ZFPM2: variants seen among roughly 807,000 people sequenced by gnomAD.
ZFPM2 encodes zinc finger protein, FOG family member 2, also known as zinc finger protein ZFPM2.
Under a neutral mutation model 98.6 loss-of-function variants are expected in ZFPM2, and 20 were observed. The ratio of observed to expected loss-of-function variants is 0.20; its 90% CI spans 0.14 to 0.29. The LOEUF (loss-of-function observed/expected upper bound fraction) is 0.29, where lower values mean the gene tolerates loss of function less well. Among genes scored for constraint, ZFPM2 ranks in the 10% least tolerant of loss-of-function variants. The pLI is 1.00. For missense variants in ZFPM2, 1,310 were observed against 1,388.6 expected, an observed-to-expected ratio of 0.94 and a Z score of 0.90; for synonymous variants, 518 against 502.7, an observed-to-expected ratio of 1.03 and a Z score of -0.41.
At chr8:105,359,650 A>G (rs1260223297) in intron 1 of ZFPM2, among the ~76,000 whole-genome samples, 1 of 152,074 alleles carries the variant, frequency 6.6e-6, no homozygotes, top group Non-Finnish European at 1.5e-5. Flanking sequence ...CTGGGATTAC[A>G]GGCGTGAGCC....
At chr8:105,726,671 G>C (rs1003701211) in intron 5 of ZFPM2, among the ~76,000 whole-genome samples, 3 of 151,778 alleles carry the variant, frequency 2.0e-5, no homozygotes, top group African/African-American at 7.2e-5. Flanking sequence ...TCTCCATGGA[G>C]TGAAAGGATG....
chr8:105,464,502 A>AG (rs1440845972), intron 3 of ZFPM2, among the ~76,000 whole-genome samples: 1 of 151,948 alleles, frequency 6.6e-6, no homozygotes, highest in Non-Finnish European at 1.5e-5. Flanking sequence ...ATTTCATTAG[A>AG]GGGGAAAAAA....
At chr8:105,330,520 A>ATT (rs1812190567) in intron 1 of ZFPM2, among the ~76,000 whole-genome samples, 1 of 113,774 alleles carries the variant, frequency 8.8e-6, no homozygotes, top group African/African-American at 3.1e-5. Context: ...GAACAAAACA[A>ATT]TTTCTCTCTC....
chr8:105,542,811 T>G (rs1375955), intron 3 of ZFPM2, among the ~76,000 whole-genome samples: 105,745 of 152,120 alleles, frequency 0.7, 38,244 homozygotes, highest in African/African-American at 0.92. Context: ...TTACCAATTT[T>G]TAAAACTGTG....
At chr8:105,605,944 G>A (rs903038859) in intron 4 of ZFPM2, among the ~76,000 whole-genome samples, 13 of 152,046 alleles carry the variant, frequency 8.6e-5, no homozygotes, top group African/African-American at 2.9e-4. Context: ...TGAATCATGA[G>A]TGCTGAGGTC....
chr8:105,679,373 T>C (rs567783222), intron 5 of ZFPM2, among the ~76,000 whole-genome samples: 1 of 152,306 alleles, frequency 6.6e-6, no homozygotes, highest in African/African-American at 2.4e-5. Context: ...TTTGCACATG[T>C]ATGTTGACCA....
chr8:105,589,080 A>G (rs1815788541), intron 4 of ZFPM2, among the ~76,000 whole-genome samples: 2 of 152,348 alleles, frequency 1.3e-5, no homozygotes, highest in East Asian at 1.9e-4. Context: ...TGAAAGCTCA[A>G]TGAAGGGTGA....
At chr8:105,534,067 C>T (rs1385905227) in intron 3 of ZFPM2, among the ~76,000 whole-genome samples, 6 of 50,778 alleles carry the variant, frequency 1.2e-4, no homozygotes, top group Admixed American at 5.8e-4. Flanking sequence ...TCCCTCCCTT[C>T]CTTCCTCCCT....
chr8:105,539,095 C>T (rs1814522165), intron 3 of ZFPM2, among the ~76,000 whole-genome samples: 1 of 152,124 alleles, frequency 6.6e-6, no homozygotes, highest in Admixed American at 6.6e-5. Context: ...TTTCTTCTGC[C>T]TCTTGCCCCT....
intron 5 of ZFPM2, 120 bp from the exon 6 acceptor site, chr8:105,788,598 C>T (rs1813492424): frequency 3.1e-6 from 3 of 970,094 alleles, no homozygotes; most frequent in South Asian, 1.5e-5. Flanking sequence ...TGATCAAACA[C>T]TCCACTCCAG....
intron 4 of ZFPM2, among the ~76,000 whole-genome samples, chr8:105,561,825 A>C (rs910687232): frequency 2.6e-5 from 4 of 152,176 alleles, no homozygotes; most frequent in African/African-American, 9.7e-5. Flanking sequence ...CATCCATTAC[A>C]GGTTTTCATG....
intron 1 of ZFPM2, among the ~76,000 whole-genome samples, chr8:105,336,552 T>C (rs767380916): frequency 2.6e-5 from 4 of 151,782 alleles, no homozygotes; most frequent in Non-Finnish European, 5.9e-5. Flanking sequence ...TTGAATACTC[T>C]AATTGAATAA....
chr8:105,802,379 T>G lies in ZFPM2; in HGVS notation c.2297T>G (p.Leu766Arg), dbSNP rs774312417. 6.2e-7 allele frequency: 1 copy of G among 1,613,726 alleles called. No individual in the cohort carries two copies. Among genetic ancestry groups the G allele is most frequent in the South Asian group, 1.1e-5 (1 of 91,068 alleles). Residue 766 changes from leucine to arginine, a missense_variant, in exon 8 of 8, where the codon CTC becomes CGC. Physicochemically the swap from Leu to Arg is moderately radical, Grantham distance 102. Coordinates refer to ENST00000407775, the MANE Select transcript of ZFPM2 (RefSeq NM_012082.4). ...CAGAGATTTCTTGACGTAGCCAACC[T>G]CAATAATCCTTGTACCTCCACTCAA... Reference protein sequence around the residue: ...VQQRFLDVANLNNPCTSTQEP... With the variant: ...VQQRFLDVANRNNPCTSTQEP...
chr8:105,712,977 A>T (rs1383096226), intron 5 of ZFPM2, among the ~76,000 whole-genome samples: 1 of 152,008 alleles, frequency 6.6e-6, no homozygotes. Context: ...GGAATAGTGA[A>T]TAGTGTGGCA....
At chr8:105,761,654 G>A (rs1413790361) in intron 5 of ZFPM2, among the ~76,000 whole-genome samples, 1 of 151,694 alleles carries the variant, frequency 6.6e-6, no homozygotes, top group Non-Finnish European at 1.5e-5. Context: ...TTTGACGCAC[G>A]GGCTTGTCTC....
At chr8:105,575,877 C>A (rs1486657819) in intron 4 of ZFPM2, among the ~76,000 whole-genome samples, 1 of 152,032 alleles carries the variant, frequency 6.6e-6, no homozygotes, top group Non-Finnish European at 1.5e-5. Flanking sequence ...TTTTGGCAGG[C>A]CTTTGGATCC....
intron 3 of ZFPM2, chr8:105,451,485 A>G (rs149843516): frequency 6.6e-6 from 1 of 152,308 alleles, no homozygotes; most frequent in Non-Finnish European, 1.5e-5. Context: ...TGTTGGAGAT[A>G]TAATTGGTTA....
At chr8:105,738,920 G>A (rs1222028196) in intron 5 of ZFPM2, among the ~76,000 whole-genome samples, 2 of 151,960 alleles carry the variant, frequency 1.3e-5, no homozygotes, top group Non-Finnish European at 2.9e-5. Flanking sequence ...CTTACTATTA[G>A]AAGAATCCCT....
intron 1 of ZFPM2, among the ~76,000 whole-genome samples, chr8:105,395,252 C>T (rs1811197440): frequency 6.6e-6 from 1 of 152,138 alleles, no homozygotes; most frequent in Admixed American, 6.5e-5. Context: ...CTAAAGAGTC[C>T]AGAGAGCATT....
Sources: gnomAD v4.1 joint callset for allele counts (sites outside exome capture counted in the v4.1 genomes callset) on GRCh38, gnomAD v4.1.1 for gene constraint, MANE v1.5 for transcripts, NCBI Gene and HGNC (gene_info 2026-07-23, HGNC 2026-07-21) for gene names.